The following SGPP1 variants were observed in gnomAD, a reference collection of about 807,000 sequenced individuals.
The protein encoded by SGPP1 is hSPP1.
SGPP1 carries 21 observed loss-of-function variants against 33.0 expected under a neutral mutation model. The observed-to-expected ratio is 0.64, with a 90% CI of 0.45 to 0.92. The LOEUF is 0.92. Among genes scored for constraint, SGPP1 ranks in the 40% least tolerant of loss-of-function variants. The pLI is 0.00. For synonymous variants in SGPP1, 239 were observed against 241.2 expected, an observed-to-expected ratio of 0.99 and a Z score of 0.08; for missense variants, 543 against 589.4, an observed-to-expected ratio of 0.92 and a Z score of 0.81.
At chr14:63,725,745 G>C (rs1885865927) in intron 1 of SGPP1, among the ~76,000 whole-genome samples, 2 of 152,066 alleles carry the variant, frequency 1.3e-5, no homozygotes, top group African/African-American at 4.8e-5. Context: ...AGCAAAAATA[G>C]CTATTTTCTC....
chr14:63,714,739 T>A (rs373554544), intron 1 of SGPP1, among the ~76,000 whole-genome samples: 19 of 147,010 alleles, frequency 1.3e-4, no homozygotes, highest in African/African-American at 3.2e-4. Flanking sequence ...CTTCTATTTT[T>A]ATTTATTTTT....
In SGPP1 at chr14:63,727,826, C is replaced by G; in HGVS notation, c.119G>C (p.Arg40Thr). The G allele has an allele frequency of 6.6e-7, 1 of 1,509,996 alleles. No homozygotes were observed. The highest frequency in any genetic ancestry group is 8.8e-7 in the Non-Finnish European group (1 of 1,135,488). 93.5% of individuals were successfully genotyped at this position (1,509,996 alleles called of 1,614,324 possible). A position where few individuals can be genotyped will look rare whatever the true frequency, so the allele number is the denominator to read the frequency against. Reference sequence around the variant, plus strand: ...AGGCGCCTCCGCTTTCTCATCCTCCCTCCGGTCTGCTGAGCGGCGCGGCGG... The same window carrying G: ...AGGCGCCTCCGCTTTCTCATCCTCCGTCCGGTCTGCTGAGCGGCGCGGCGG... Reference protein sequence around the residue: ...EAPPRRSADRREDEKAEAPLA... With the variant: ...EAPPRRSADRTEDEKAEAPLA... The change falls in exon 1 of 3, where the codon AGG (arginine) becomes ACG (threonine). Residue 40 changes from arginine (R) to threonine (T), a missense_variant. Coordinates refer to ENST00000247225, the MANE Select transcript of SGPP1 (RefSeq NM_030791.4).
rs973290115 is a variant in SGPP1 at position 63,727,344 on chromosome 14, C to CA, written c.600dup (p.Glu201Ter). The CA allele has an allele frequency of 1.9e-6, 3 of 1,614,028 alleles. No homozygotes were observed. Among genetic ancestry groups the CA allele is most frequent in the African/African-American group, 1.3e-5 (1 of 74,928 alleles). ...GCATGGGTGGAGGGCATGCTGTACTCAGAGTTGTAGAAGACCTCCAACTTG... is the reference window on the plus strand; with the variant it reads ...GCATGGGTGGAGGGCATGCTGTACTCAAGAGTTGTAGAAGACCTCCAACTTG... On this transcript the variant is annotated frameshift_variant, in exon 1 of 3. Transcript: ENST00000247225. LOFTEE classifies it high-confidence loss of function.
intron 1 of SGPP1, among the ~76,000 whole-genome samples, chr14:63,701,337 T>C (rs988613654): frequency 3.3e-5 from 5 of 152,098 alleles, no homozygotes; most frequent in Admixed American, 2.0e-4. Context: ...GATTAAGTCA[T>C]TGCCACAGTA....
rs186797753 is a variant in SGPP1 at position 63,716,366 on chromosome 14, C to T, written c.684+10895G>A. ...AAAATTACCTGGGTGTGGTGGCGAG[C>T]GCCTGTAATCCCAGGTACTTGGGAG... On this transcript the variant is annotated intron_variant, in intron 1 of 2. Coordinates refer to ENST00000247225, the MANE Select transcript of SGPP1 (RefSeq NM_030791.4). 2.6e-3 allele frequency among the ~76,000 whole-genome samples: 395 copies of T among 151,886 alleles called. 2 individuals carry two copies. Among genetic ancestry groups the T allele is most frequent in the African/African-American group, 9.4e-3 (389 of 41,428 alleles).
chr14:63,717,001 T>TA (rs1328841894), intron 1 of SGPP1, among the ~76,000 whole-genome samples: 1 of 152,024 alleles, frequency 6.6e-6, no homozygotes, highest in Non-Finnish European at 1.5e-5. Flanking sequence ...GACCCAACTG[T>TA]AATTTTTAAA....
At chr14:63,702,268 T>C (rs1436801779) in intron 1 of SGPP1, among the ~76,000 whole-genome samples, 2 of 152,198 alleles carry the variant, frequency 1.3e-5, no homozygotes, top group African/African-American at 2.4e-5. Context: ...TATGAGGCTT[T>C]CCTTTTCTCT....
At chr14:63,708,174 T>A (rs2139644621) in intron 1 of SGPP1, among the ~76,000 whole-genome samples, 1 of 151,946 alleles carries the variant, frequency 6.6e-6, no homozygotes, top group African/African-American at 2.4e-5. Flanking sequence ...CGTCCTCCAC[T>A]CTCTCCACTT....
At chr14:63,702,181 T>C (rs974445440) in intron 1 of SGPP1, among the ~76,000 whole-genome samples, 2 of 152,164 alleles carry the variant, frequency 1.3e-5, no homozygotes, top group Admixed American at 1.3e-4. Context: ...CCCACATTTA[T>C]TCAATTTTAC....
At chr14:63,724,980 C>T (rs1488951042) in intron 1 of SGPP1, among the ~76,000 whole-genome samples, 2 of 150,730 alleles carry the variant, frequency 1.3e-5, no homozygotes, top group African/African-American at 2.5e-5. Flanking sequence ...AGTGAGACCC[C>T]GACTCTTAGG....
At chr14:63,702,043 A>G (rs1010488209) in intron 1 of SGPP1, among the ~76,000 whole-genome samples, 1 of 152,108 alleles carries the variant, frequency 6.6e-6, no homozygotes, top group African/African-American at 2.4e-5. Context: ...AAAATTACTG[A>G]TAAGAGTTCT....
rs1036111872 is a variant in SGPP1, at chr14:63,727,995, T to C, written c.-51A>G. 14 of 1,490,044 alleles carry C rather than the reference T, an allele frequency of 9.4e-6. No homozygotes were observed. Among genetic ancestry groups the C allele is most frequent in the Non-Finnish European group, 1.2e-5 (13 of 1,127,208 alleles). The allele number at this position is 1,490,044 out of a possible 1,614,324, so 92.3% of individuals were successfully genotyped here. On this transcript the variant is annotated 5_prime_UTR_variant, in exon 1 of 3. Transcript: ENST00000247225. Reference sequence around the variant, plus strand: ...GCCGGCCTCCGGCGCAGCCCCGAACTGTCCCCGCGCTCCTGGCCAGCGGCA... The same window carrying C: ...GCCGGCCTCCGGCGCAGCCCCGAACCGTCCCCGCGCTCCTGGCCAGCGGCA...
intron 1 of SGPP1, among the ~76,000 whole-genome samples, chr14:63,715,173 CCAGCT>C (rs902617675): frequency 1.4e-4 from 22 of 151,886 alleles, no homozygotes; most frequent in African/African-American, 5.1e-4. Context: ...GCCACCACGC[CCAGCT>C]AATTGTTTGT....
intron 2 of SGPP1, among the ~76,000 whole-genome samples, chr14:63,694,480 G>GA (rs34074606): frequency 0.012 from 1,712 of 148,760 alleles, 34 homozygotes; most frequent in African/African-American, 0.039. Flanking sequence ...GTCTGACCAG[G>GA]AAAAAAAAAC....
chr14:63,697,213 C>A (rs1885204673), intron 2 of SGPP1, among the ~76,000 whole-genome samples: 1 of 152,056 alleles, frequency 6.6e-6, no homozygotes, highest in African/African-American at 2.4e-5. Flanking sequence ...AATGACCAAC[C>A]CCAAAATTAC....
Position 63,685,292 on chromosome 14 carries a change from ATAAAGT to A in SGPP1, c.*807_*812del, listed in dbSNP as rs899800507. The A allele has an allele frequency of 3.3e-5, 5 of 152,532 alleles. No individual in the cohort carries two copies. The highest frequency in any genetic ancestry group is 7.2e-5 in the African/African-American group (3 of 41,462). 9.4% of individuals were successfully genotyped at this position (152,532 alleles called of 1,614,324 possible). A position where few individuals can be genotyped will look rare whatever the true frequency, so the allele number is the denominator to read the frequency against. On this transcript the variant is annotated 3_prime_UTR_variant, in exon 3 of 3. Coordinates refer to ENST00000247225, the MANE Select transcript of SGPP1 (RefSeq NM_030791.4). ...TTTGCTTGATTATATGTAACTTAAG[ATAAAGT>A]TAATGTCTTATTTTTACATCACAGT...
chr14:63,691,242 A>C (rs982914426), intron 2 of SGPP1, among the ~76,000 whole-genome samples: 9 of 152,206 alleles, frequency 5.9e-5, no homozygotes, highest in Non-Finnish European at 5.9e-5. Context: ...CAATTAACAA[A>C]ATGTTTAGGA....
At chr14:63,705,633 G>T (rs113023275) in intron 1 of SGPP1, among the ~76,000 whole-genome samples, 1 of 151,822 alleles carries the variant, frequency 6.6e-6, no homozygotes, top group Non-Finnish European at 1.5e-5. Flanking sequence ...ATGCCATTGC[G>T]TTCTAGCCTG....
chr14:63,703,450 C>G (rs1885342526), intron 1 of SGPP1, among the ~76,000 whole-genome samples: 1 of 151,854 alleles, frequency 6.6e-6, no homozygotes, highest in African/African-American at 2.4e-5. Flanking sequence ...GTCAAGAGAT[C>G]AAAACCATCC....
Sources: allele counts gnomAD v4.1 joint callset (sites outside exome capture counted in the v4.1 genomes callset), GRCh38; gene constraint gnomAD v4.1.1; transcripts MANE v1.5; gene names NCBI Gene and HGNC (gene_info 2026-07-23, HGNC 2026-07-21).